The following MTHFD2 variants were observed in gnomAD, a reference collection of about 807,000 sequenced individuals.
MTHFD2 encodes the protein bifunctional methylenetetrahydrofolate dehydrogenase/cyclohydrolase, mitochondrial.
In MTHFD2, 26 loss-of-function variants were observed where a neutral mutation model predicts 36.8. The ratio of observed to expected loss-of-function variants is 0.71; its 90% CI spans 0.52 to 0.98. MTHFD2 has a LOEUF of 0.98. Among genes scored for constraint, MTHFD2 ranks in the 50% least tolerant of loss-of-function variants. The pLI is 0.00. For synonymous variants in MTHFD2, 164 were observed against 155.2 expected, an observed-to-expected ratio of 1.06 and a Z score of -0.42; for missense variants, 373 against 434.0, an observed-to-expected ratio of 0.86 and a Z score of 1.25.
rs1694470587 is a variant in MTHFD2, at chr2:74,217,192, A to G, written c.*2950A>G. The G allele has an allele frequency of 6.6e-6, 1 of 152,236 alleles. No homozygotes were observed. Among genetic ancestry groups the G allele is most frequent in the Non-Finnish European group, 1.5e-5 (1 of 68,044 alleles). 9.4% of individuals were successfully genotyped at this position (152,236 alleles called of 1,614,324 possible). ...CCTGCATTTGTCATCTTGAGCAAAT[A>G]TAGTAACTCTAACCTCAAGGTTCAA... On this transcript the variant is annotated 3_prime_UTR_variant, in exon 8 of 8. Transcript: ENST00000394053.
chr2:74,212,468 A>C (rs545089156), intron 7 of MTHFD2, among the ~76,000 whole-genome samples: 1 of 151,236 alleles, frequency 6.6e-6, no homozygotes, highest in South Asian at 2.1e-4. Context: ...GGGTTTCACC[A>C]TGTTGGCCAG....
Position 74,211,766 on chromosome 2 carries a change from T to C in MTHFD2, c.789T>C (p.Asp263=), listed in dbSNP as rs1694308533. 1 of 1,611,384 alleles carries C rather than the reference T, an allele frequency of 6.2e-7. No homozygotes were observed. The highest frequency in any genetic ancestry group is 1.3e-5 in the African/African-American group (1 of 74,798). ...GTATTCCAAATCTGATCACAGCAGA[T>C]ATGATCAAGGAAGGAGCAGCAGTCA... ...AAGIPNLITA[D]MIKEGAAVID... The change falls in exon 7 of 8, where the codon GAT becomes GAC. Residue 263 remains aspartate, a synonymous_variant. Transcript: ENST00000394053.
chr2:74,211,993 A>G (rs1309955078), intron 7 of MTHFD2, 127 bp downstream of exon 7: 15 of 780,080 alleles, frequency 1.9e-5, no homozygotes, highest in Non-Finnish European at 2.6e-5. Context: ...TCTGTTGCCC[A>G]GGCTGGAGTG....
intron 7 of MTHFD2, among the ~76,000 whole-genome samples, chr2:74,212,173 TTTCCTTCCTTCCCTCCATCTCTCTCCC>T (rs919153407): frequency 2.9e-5 from 3 of 102,796 alleles, no homozygotes; most frequent in Admixed American, 8.8e-5. Flanking sequence ...TCCTTCTTTC[TTTCCTTCCTTCCCTCCATCTCTCTCCC>T]TTCCTTCCTT....
At position 74,198,636 on chromosome 2, in the gene MTHFD2, C is replaced by G. The variant is rs775325941; in HGVS notation, c.-6C>G. On this transcript the variant is annotated 5_prime_UTR_variant, in exon 1 of 8. Transcript: ENST00000394053. ...TTCCCTCCCGGCGCAGTCACCGGCG[C>G]GGTCTATGGCTGCGACTTCTCTAAT... The G allele has an allele frequency of 2.5e-6, 4 of 1,599,246 alleles. No individual in the cohort carries two copies. The highest frequency in any genetic ancestry group is 1.7e-6 in the Non-Finnish European group (2 of 1,172,610).
At chr2:74,203,224 T>C (rs1168147515) in intron 1 of MTHFD2, among the ~76,000 whole-genome samples, 1 of 152,202 alleles carries the variant, frequency 6.6e-6, no homozygotes, top group Non-Finnish European at 1.5e-5. Context: ...CAGGCTGGTC[T>C]CAAACCCCTG....
In MTHFD2 at chr2:74,211,230, T is replaced by C. The variant is rs777258156; in HGVS notation, c.702T>C (p.Tyr234=). 6.2e-7 allele frequency: 1 copy of C among 1,608,326 alleles called. No individual in the cohort carries two copies. Among genetic ancestry groups the C allele is most frequent in the Non-Finnish European group, 8.5e-7 (1 of 1,176,586 alleles). Residue 234 remains tyrosine, a synonymous_variant, in exon 6 of 8, where the codon TAT becomes TAC. Coordinates refer to ENST00000394053, the MANE Select transcript of MTHFD2 (RefSeq NM_006636.4). ...GDATVTISHR[Y]TPKEQLKKHT... ...CCACTGTTACAATATCTCATCGATA[T>C]ACTCCCAAAGAGCAGTTGAAGAAAC...
At chr2:74,205,968 T>G in intron 2 of MTHFD2, 79 bp downstream of exon 2, 1 of 1,454,340 alleles carries the variant, frequency 6.9e-7, no homozygotes, top group Non-Finnish European at 9.4e-7. Context: ...TTATGATTTC[T>G]TTTTTCTGAT....
At chr2:74,206,152 T>G (rs1462330141) in intron 2 of MTHFD2, 1 of 300,390 alleles carries the variant, frequency 3.3e-6, no homozygotes, top group Non-Finnish European at 6.3e-6. Flanking sequence ...TCTTTATATT[T>G]GATAGGTGAC....
chr2:74,205,747 G>C lies in MTHFD2; in HGVS notation c.144G>C (p.Gln48His). Reference sequence around the variant, plus strand: ...TTTCTGGAAGGAAACTGGCCCAGCAGATCAAGCAGGAAGTGCGGCAGGAGG... The same window carrying C: ...TTTCTGGAAGGAAACTGGCCCAGCACATCAAGCAGGAAGTGCGGCAGGAGG... The part of the protein sequence containing the change: ...VVISGRKLAQ[Q>H]IKQEVRQEVE... The change falls in exon 2 of 8, where the codon CAG (glutamine) becomes CAC (histidine). Residue 48 changes from glutamine to histidine, a missense_variant. Around this residue, in one of 2 missense-constraint regions of MTHFD2, gnomAD observed 308 missense variants for 397.8 expected, o/e 0.77. Coordinates refer to ENST00000394053, the MANE Select transcript of MTHFD2 (RefSeq NM_006636.4). 6.2e-7 allele frequency: 1 copy of C among 1,613,832 alleles called. No individual in the cohort carries two copies. The highest frequency in any genetic ancestry group is 8.5e-7 in the Non-Finnish European group (1 of 1,179,998).
chr2:74,211,429 G>GAT (rs1363047894), intron 6 of MTHFD2, 138 bp downstream of exon 6: 1 of 614,948 alleles, frequency 1.6e-6, no homozygotes, highest in Non-Finnish European at 2.8e-6. Context: ...CAAAGATGAG[G>GAT]ATAGAGTTGT....
At chr2:74,202,892 G>A (rs1694072665) in intron 1 of MTHFD2, among the ~76,000 whole-genome samples, 1 of 152,040 alleles carries the variant, frequency 6.6e-6, no homozygotes, top group South Asian at 2.1e-4. Context: ...ATATTAATAT[G>A]TTTTCAATTT....
intron 1 of MTHFD2, among the ~76,000 whole-genome samples, chr2:74,204,557 ACT>A (rs1363076894): frequency 1.3e-5 from 2 of 152,104 alleles, no homozygotes; most frequent in Non-Finnish European, 2.9e-5. Flanking sequence ...GGTTCAACTA[ACT>A]CTCACTGCTC....
intron 2 of MTHFD2, 109 bp from the exon 3 acceptor site, chr2:74,207,595 A>T (rs79078571): frequency 9.9e-7 from 1 of 1,009,856 alleles, no homozygotes; most frequent in Non-Finnish European, 1.4e-6. Context: ...GCTTTTAGGG[A>T]TGAGTGTGAT....
Position 74,211,818 on chromosome 2 carries a change from G to A in MTHFD2, c.841G>A (p.Asp281Asn), listed in dbSNP as rs760547058. The A allele has an allele frequency of 5.0e-6, 8 of 1,611,530 alleles. No individual in the cohort carries two copies. In the South Asian group the frequency reaches 5.5e-5, roughly 11 times the overall value. The change falls in exon 7 of 8, where the codon GAT (aspartate) becomes AAT (asparagine). Residue 281 changes from aspartate (D) to asparagine (N), a missense_variant. By Grantham distance (23) the Asp-to-Asn change is conservative (BLOSUM62 1). Coordinates refer to ENST00000394053, the MANE Select transcript of MTHFD2 (RefSeq NM_006636.4). ...VIDVGINRVH[D>N]PVTAKPKLVG... is the part of the protein sequence containing the mutation. ...TGATGTGGGAATAAATAGAGTTCACGATCCTGTAACTGCCAAACCCAAGTT... is the reference window on the plus strand; with the variant it reads ...TGATGTGGGAATAAATAGAGTTCACAATCCTGTAACTGCCAAACCCAAGTT...
chr2:74,213,961 T>C, intron 7 of MTHFD2, 118 bp from the exon 8 acceptor site: 1 of 1,102,770 alleles, frequency 9.1e-7, no homozygotes, highest in Non-Finnish European at 1.3e-6. Context: ...GATGTGATTT[T>C]TGAGTTTTAT....
chr2:74,201,567 G>A (rs531453554), intron 1 of MTHFD2, among the ~76,000 whole-genome samples: 1 of 151,418 alleles, frequency 6.6e-6, no homozygotes, highest in Non-Finnish European at 1.5e-5. Flanking sequence ...GTCTCACCAT[G>A]TTGCCCACGC....
rs766370962 is a variant in MTHFD2, at chr2:74,205,691, G to A, written c.102-14G>A. Reference sequence around the variant, plus strand: ...TCAAGTTATTTGGTTTTGTGACTCTGTTGCCTTCTGCAGAAATGAAGCTGT... The same window carrying A: ...TCAAGTTATTTGGTTTTGTGACTCTATTGCCTTCTGCAGAAATGAAGCTGT... On this transcript the variant is annotated splice_polypyrimidine_tract_variant and intron_variant, in intron 1 of 7. Coordinates refer to ENST00000394053, the MANE Select transcript of MTHFD2 (RefSeq NM_006636.4). 3.7e-6 allele frequency: 6 copies of A among 1,612,674 alleles called. No individual in the cohort carries two copies. Among genetic ancestry groups the A allele is most frequent in the Non-Finnish European group, 5.1e-6 (6 of 1,179,474 alleles).
Position 74,210,785 on chromosome 2 carries a change from G to GTTTTTT in MTHFD2, c.671-402_671-397dup, listed in dbSNP as rs71406865. Among the ~76,000 whole-genome samples the GTTTTTT allele has an allele frequency of 1.4e-3, 180 of 132,050 alleles. 8 individuals carry two copies. Among genetic ancestry groups the GTTTTTT allele is most frequent in the African/African-American group, 4.5e-3 (156 of 34,296 alleles). 86.6% of individuals were successfully genotyped at this position (132,050 alleles called of 152,430 possible). Reference sequence around the variant, plus strand: ...AAACATGGCACAAGCCATTAAGTCAGTTTTTTTTTTTTTTTTTCCTGGAGA... The same window carrying GTTTTTT: ...AAACATGGCACAAGCCATTAAGTCAGTTTTTTTTTTTTTTTTTTTTTTTCCTGGAGA... On this transcript the variant is annotated intron_variant, in intron 5 of 7. Coordinates refer to ENST00000394053, the MANE Select transcript of MTHFD2 (RefSeq NM_006636.4).
Sources: allele counts gnomAD v4.1 joint callset (sites outside exome capture counted in the v4.1 genomes callset), GRCh38; gene constraint gnomAD v4.1.1; regional missense constraint gnomAD v4.1.1; transcripts MANE v1.5; gene names NCBI Gene and HGNC (gene_info 2026-07-23, HGNC 2026-07-21).